The following TSLP variants were observed in gnomAD, a reference collection of about 807,000 sequenced individuals.
The protein encoded by TSLP is thymic stroma-derived lymphopoietin.
In TSLP, 12 loss-of-function variants were observed where a neutral mutation model predicts 12.4. The ratio of observed to expected loss-of-function variants is 0.97; its 90% CI spans 0.62 to 1.57. The LOEUF is 1.57. Among genes scored for constraint, TSLP ranks in the 40% most tolerant of loss-of-function variants. The pLI, the probability that TSLP is intolerant of heterozygous loss-of-function variation, is 0.00. For synonymous variants in TSLP, 97 were observed against 69.5 expected (o/e 1.40, Z -1.97); for missense variants, 222 against 189.6 (o/e 1.17, Z -1.00).
In TSLP at chr5:111,071,814, G is replaced by A. The variant is rs1752343159; in HGVS notation, c.-77G>A. The A allele has an allele frequency of 2.6e-6, 4 of 1,541,560 alleles. No homozygotes were observed. The highest frequency in any genetic ancestry group is 1.7e-4 in the Middle Eastern group (1 of 5,782). On this transcript the variant is annotated 5_prime_UTR_variant, in exon 1 of 4. Transcript: ENST00000344895. ...CTGGTGCTTGAGCACTGGCCCCTAA[G>A]GCAGGCCTTACAGATCTCTTACACT...
upstream of TSLP, chr5:111,071,325 A>T: frequency 1.1e-6 from 1 of 944,466 alleles, no homozygotes; most frequent in Non-Finnish European, 1.5e-6. Context: ...GGAAATGCTC[A>T]AAGATGTTCA....
At chr5:111,073,950 T>C (rs1752417863) in intron 3 of TSLP, among the ~76,000 whole-genome samples, 1 of 152,188 alleles carries the variant, frequency 6.6e-6, no homozygotes, top group Admixed American at 6.5e-5. Flanking sequence ...CATAAGAGTA[T>C]GGCTGCTAAA....
chr5:111,073,482 T>A (rs1752400267), intron 2 of TSLP, 29 bp from the exon 3 acceptor site: 13 of 1,613,570 alleles, frequency 8.1e-6, no homozygotes, highest in Non-Finnish European at 9.3e-6. Flanking sequence ...TTTTCTCCTT[T>A]TCTCGTAAAC....
At chr5:111,072,533 C>T (rs960759596) in intron 1 of TSLP, among the ~76,000 whole-genome samples, 1 of 152,054 alleles carries the variant, frequency 6.6e-6, no homozygotes. Flanking sequence ...AATCATTTTC[C>T]TGATTAACCT....
rs370200472 is a variant in TSLP, at chr5:111,073,437, C to G, written c.217-74C>G. ...CCCTGACCTTCCTCCCCTCCCCTTT[C>G]ACTCAATTCTCACCAACTCTTTCTC... is the stretch of plus-strand genomic sequence containing the variant. On this transcript the variant is annotated intron_variant, in intron 2 of 3. Coordinates refer to ENST00000344895, the MANE Select transcript of TSLP (RefSeq NM_033035.5). The G allele has an allele frequency of 1.0e-5, 16 of 1,597,256 alleles. No individual in the cohort carries two copies. The African/African-American group carries it at 2.0e-4, about 20-fold the overall frequency.
At chr5:111,074,693 C>T (rs1214244164) in intron 3 of TSLP, among the ~76,000 whole-genome samples, 2 of 146,812 alleles carry the variant, frequency 1.4e-5, no homozygotes, top group Non-Finnish European at 3.0e-5. Context: ...TGCAGTGGCA[C>T]GATCTCAGCT....
intron 3 of TSLP, 111 bp from the exon 4 acceptor site, chr5:111,075,835 T>G: frequency 8.8e-7 from 1 of 1,140,074 alleles, no homozygotes; most frequent in Admixed American, 2.4e-5. Context: ...GCAGGTGCTT[T>G]GGAGACACAC....
In TSLP at chr5:111,071,755, G is replaced by C. The variant is rs1752342329; in HGVS notation, c.-136G>C. On this transcript the variant is annotated 5_prime_UTR_variant, in exon 1 of 4. Coordinates refer to ENST00000344895, the MANE Select transcript of TSLP (RefSeq NM_033035.5). ...TTAAGGCAACAGCATGGGTGAATAAGGGCTTCCTGTGGACTGGCAATGAGA... is the reference window on the plus strand; with the variant it reads ...TTAAGGCAACAGCATGGGTGAATAACGGCTTCCTGTGGACTGGCAATGAGA... 7.9e-7 allele frequency: 1 copy of C among 1,272,108 alleles called. No homozygotes were observed. The highest frequency in any genetic ancestry group is 1.1e-6 in the Non-Finnish European group (1 of 913,996). 78.8% of individuals were successfully genotyped at this position (1,272,108 alleles called of 1,614,324 possible). A position where few individuals can be genotyped will look rare whatever the true frequency, so the allele number is the denominator to read the frequency against.
chr5:111,073,186 T>A lies in TSLP; in HGVS notation c.216+254T>A, dbSNP rs556992119. On this transcript the variant is annotated intron_variant, in intron 2 of 3. Transcript: ENST00000344895. ...GGGAACTGGGACGAGGGAACGTTGT[T>A]AGGGGCACCACCTGCTGGGGTCCGG... The A allele has an allele frequency of 7.5e-4, 734 of 985,126 alleles. 3 individuals are homozygous for A. The highest frequency in any genetic ancestry group is 4.8e-3 in the South Asian group (263 of 54,392). The allele number at this position is 985,126 out of a possible 1,614,324, so 61.0% of individuals were successfully genotyped here.
At chr5:111,073,796 G>C in intron 3 of TSLP, 151 bp downstream of exon 3, 1 of 835,190 alleles carries the variant, frequency 1.2e-6, no homozygotes, top group African/African-American at 1.7e-5. Context: ...ATGTCAGTTA[G>C]ACCCACGTTG....
chr5:111,070,492 A>G (rs770909058), upstream of TSLP: 8 of 152,614 alleles, frequency 5.2e-5, no homozygotes, highest in Non-Finnish European at 1.0e-4. Flanking sequence ...GAGAGGGCCC[A>G]GGGCCGCATG....
At chr5:111,073,082 C>T in intron 2 of TSLP, 150 bp downstream of exon 2, 3 of 994,052 alleles carry the variant, frequency 3.0e-6, no homozygotes, top group Non-Finnish European at 4.5e-6. Context: ...GCTGTCAGAG[C>T]GGGGCTGCGC....
At chr5:111,071,398 T>TAG, upstream of TSLP, 1 of 1,480,908 alleles carries the variant, frequency 6.8e-7, no homozygotes, top group Non-Finnish European at 9.0e-7. Flanking sequence ...TCAGAAGGTG[T>TAG]TTCTCCCAAA....
chr5:111,071,674 G>T, upstream of TSLP: 1 of 1,324,048 alleles, frequency 7.6e-7, no homozygotes, highest in Non-Finnish European at 1.0e-6. Flanking sequence ...GCCCGTAGGC[G>T]TTTAGGTGTT....
rs1026179204 is a variant in TSLP at position 111,077,637 on chromosome 5, T to A, written c.*1563T>A. 2.0e-5 allele frequency: 3 copies of A among 152,658 alleles called. No individual in the cohort carries two copies. The highest frequency in any genetic ancestry group is 4.4e-5 in the Non-Finnish European group (3 of 68,036). 9.5% of individuals were successfully genotyped at this position (152,658 alleles called of 1,614,324 possible). ...ACTGAACTATGAAAATAAATACACA[T>A]AATTTTTCACAAAATTTTGGGCCCA... On this transcript the variant is annotated 3_prime_UTR_variant, in exon 4 of 4. Coordinates refer to ENST00000344895, the MANE Select transcript of TSLP (RefSeq NM_033035.5).
At chr5:111,074,157 G>C (rs1475890022) in intron 3 of TSLP, among the ~76,000 whole-genome samples, 1 of 152,168 alleles carries the variant, frequency 6.6e-6, no homozygotes, top group Non-Finnish European at 1.5e-5. Context: ...TTAATTGCTT[G>C]TGTGGGCGCT....
rs187411102 is a variant in TSLP at position 111,076,173 on chromosome 5, T to G, written c.*99T>G. 1.5e-6 allele frequency: 2 copies of G among 1,362,496 alleles called. No homozygotes were observed. Among genetic ancestry groups the G allele is most frequent in the African/African-American group, 2.9e-5 (2 of 68,150 alleles). The allele number at this position is 1,362,496 out of a possible 1,614,324, so 84.4% of individuals were successfully genotyped here. A position where few individuals can be genotyped will look rare whatever the true frequency, so the allele number is the denominator to read the frequency against. On this transcript the variant is annotated 3_prime_UTR_variant, in exon 4 of 4. Coordinates refer to ENST00000344895, the MANE Select transcript of TSLP (RefSeq NM_033035.5). ...TAACTGTGACAAAGAAGACCACAAATAGTTATCTTTTAATTACAGAAGAGT... is the reference window on the plus strand; with the variant it reads ...TAACTGTGACAAAGAAGACCACAAAGAGTTATCTTTTAATTACAGAAGAGT...
intron 3 of TSLP, among the ~76,000 whole-genome samples, chr5:111,075,686 G>C (rs1052367875): frequency 6.6e-6 from 1 of 152,180 alleles, no homozygotes; most frequent in Non-Finnish European, 1.5e-5. Flanking sequence ...TTAAGTACTG[G>C]AAGAGTTTCC....
chr5:111,073,771 G>C, intron 3 of TSLP, 126 bp downstream of exon 3: 5 of 1,087,946 alleles, frequency 4.6e-6, no homozygotes, highest in Non-Finnish European at 5.3e-6. Flanking sequence ...AAACGAGCCG[G>C]GTAAAAGTGG....
Sources: allele counts gnomAD v4.1 joint callset (sites outside exome capture counted in the v4.1 genomes callset), GRCh38; gene constraint gnomAD v4.1.1; transcripts MANE v1.5; gene names NCBI Gene and HGNC (gene_info 2026-07-23, HGNC 2026-07-21).